SCYL3: variants seen among roughly 807,000 people sequenced by gnomAD.
SCYL3 encodes the protein protein-associating with the carboxyl-terminal domain of ezrin.
SCYL3 carries 35 observed loss-of-function variants against 73.8 expected under a neutral mutation model. That is an observed-to-expected ratio of 0.47 (90% CI 0.36 to 0.63). The LOEUF (loss-of-function observed/expected upper bound fraction) is 0.63, where lower values mean the gene tolerates loss of function less well. Among genes scored for constraint, SCYL3 ranks in the 20% least tolerant of loss-of-function variants. SCYL3 has a pLI of 0.00. For missense variants in SCYL3, 712 were observed against 798.9 expected, an observed-to-expected ratio of 0.89 and a Z score of 1.31; for synonymous variants, 277 against 295.2, an observed-to-expected ratio of 0.94 and a Z score of 0.63.
chr1:169,892,952 GAT>G (rs1424236864), intron 1 of SCYL3, among the ~76,000 whole-genome samples: 14 of 152,162 alleles, frequency 9.2e-5, no homozygotes, highest in African/African-American at 3.4e-4. Flanking sequence ...TGTACTGGCT[GAT>G]ATTCTGGTAT....
Position 169,888,874 on chromosome 1 carries a change from C to T in SCYL3, c.-34G>A. 14 of 1,534,686 alleles carry T rather than the reference C, an allele frequency of 9.1e-6. No homozygotes were observed. The highest frequency in any genetic ancestry group is 1.2e-5 in the Non-Finnish European group (14 of 1,138,024). ...CAGTGAGGCAGTACTGCCACTCTTC[C>T]TCAAAGCCAAGCAGATCTAAAAGAA... On this transcript the variant is annotated 5_prime_UTR_variant, in exon 2 of 13. Coordinates refer to ENST00000367771, the MANE Select transcript of SCYL3 (RefSeq NM_020423.7).
intron 10 of SCYL3, among the ~76,000 whole-genome samples, chr1:169,860,586 A>G (rs1366603567): frequency 6.6e-6 from 1 of 152,236 alleles, no homozygotes. Flanking sequence ...GACTCAAAAG[A>G]TAATTATTAG....
intron 2 of SCYL3, among the ~76,000 whole-genome samples, chr1:169,881,309 T>C (rs1343731146): frequency 6.6e-6 from 1 of 152,216 alleles, no homozygotes; most frequent in Non-Finnish European, 1.5e-5. Context: ...ATTAAAAAAA[T>C]TGATAATATG....
intron 1 of SCYL3, among the ~76,000 whole-genome samples, chr1:169,893,170 C>T (rs1489143702): frequency 6.6e-6 from 1 of 152,178 alleles, no homozygotes; most frequent in African/African-American, 2.4e-5. Context: ...AAATTCGAGA[C>T]CCGACTCCGA....
At chr1:169,892,254 GTTTGT>G (rs879723352) in intron 1 of SCYL3, among the ~76,000 whole-genome samples, 1 of 132,396 alleles carries the variant, frequency 7.6e-6, no homozygotes, top group Non-Finnish European at 1.8e-5. Context: ...AAGTTTTTTT[GTTTGT>G]TTTTTGTTTT....
intron 11 of SCYL3, among the ~76,000 whole-genome samples, chr1:169,858,468 G>GT (rs1243704072): frequency 1.3e-5 from 2 of 152,114 alleles, no homozygotes; most frequent in Non-Finnish European, 2.9e-5. Context: ...CCTGGAGGCT[G>GT]TTTCACAGTT....
chr1:169,869,985 T>C (rs1165731700), intron 6 of SCYL3, among the ~76,000 whole-genome samples: 1 of 152,230 alleles, frequency 6.6e-6, no homozygotes, highest in Non-Finnish European at 1.5e-5. Flanking sequence ...ACCGCTTAAG[T>C]ACTATTACCA....
chr1:169,850,980 C>CTTTTTTTTTTT lies in SCYL3; in HGVS notation c.*2722_*2732dup, dbSNP rs869158038. 11 of 31,578 alleles carry CTTTTTTTTTTT rather than the reference C, an allele frequency of 3.5e-4. 3 individuals carry two copies. In the East Asian group the frequency reaches 9.7e-3, roughly 28 times the overall value. 2.0% of individuals were successfully genotyped at this position (31,578 alleles called of 1,614,324 possible). ...TATTTTGGGTATAATTTAGGCATGG[C>CTTTTTTTTTTT]TTTTTTTTTTTTTTTTTTTTTTTTT... On this transcript the variant is annotated 3_prime_UTR_variant, in exon 13 of 13. Coordinates refer to ENST00000367771, the MANE Select transcript of SCYL3 (RefSeq NM_020423.7).
intron 2 of SCYL3, among the ~76,000 whole-genome samples, chr1:169,880,278 C>T (rs1661152666): frequency 6.6e-6 from 1 of 151,858 alleles, no homozygotes; most frequent in South Asian, 2.1e-4. Context: ...AAGTATTTAG[C>T]CAAATTTAAA....
At chr1:169,890,207 G>A (rs1661981349) in intron 1 of SCYL3, among the ~76,000 whole-genome samples, 1 of 152,220 alleles carries the variant, frequency 6.6e-6, no homozygotes, top group Non-Finnish European at 1.5e-5. Flanking sequence ...GAGGAACCAA[G>A]AGCCTGAATA....
In SCYL3 at chr1:169,868,981, G is replaced by A; in HGVS notation, c.684C>T (p.Pro228=). 6.2e-7 allele frequency: 1 copy of A among 1,614,112 alleles called. No homozygotes were observed. Among genetic ancestry groups the A allele is most frequent in the Non-Finnish European group, 8.5e-7 (1 of 1,180,002 alleles). ...AGAGCGCTGGCCGACATTTTGGAATGGGATTCAGCAAAGTTGAGTGCAAGG... is the reference window on the plus strand; with the variant it reads ...AGAGCGCTGGCCGACATTTTGGAATAGGATTCAGCAAAGTTGAGTGCAAGG... ...QQTLHSTLLN[P]IPKCRPALCT... is the part of the protein sequence containing the mutation. The change falls in exon 7 of 13, where the codon CCC becomes CCT. Residue 228 remains proline (P), a synonymous_variant. Transcript: ENST00000367771.
intron 5 of SCYL3, 141 bp from the exon 6 acceptor site, chr1:169,870,498 T>C (rs1046050344): frequency 3.2e-6 from 2 of 622,002 alleles, no homozygotes; most frequent in African/African-American, 3.8e-5. Flanking sequence ...GTATAGATTC[T>C]TAACACTATT....
At chr1:169,882,177 C>T (rs933128012) in intron 2 of SCYL3, among the ~76,000 whole-genome samples, 4 of 152,184 alleles carry the variant, frequency 2.6e-5, no homozygotes, top group Non-Finnish European at 5.9e-5. Flanking sequence ...TCTGGGTGGG[C>T]GTGGGCTTGG....
rs1658703632 is a variant in SCYL3 at position 169,853,552 on chromosome 1, G to A, written c.*161C>T. The A allele has an allele frequency of 4.2e-6, 3 of 710,686 alleles. No individual in the cohort carries two copies. The highest frequency in any genetic ancestry group is 1.9e-5 in the South Asian group (1 of 53,326). The allele number at this position is 710,686 out of a possible 1,614,324, so 44.0% of individuals were successfully genotyped here. ...CCAGGGCTTTTAGCCAGCACTCACA[G>A]TCAGTCTCCTACTTCAGTTGGCACA... is the stretch of plus-strand genomic sequence containing the variant. On this transcript the variant is annotated 3_prime_UTR_variant, in exon 13 of 13. Coordinates refer to ENST00000367771, the MANE Select transcript of SCYL3 (RefSeq NM_020423.7).
At position 169,853,398 on chromosome 1, in the gene SCYL3, T is replaced by G. The variant is rs140372793; in HGVS notation, c.*315A>C. On this transcript the variant is annotated 3_prime_UTR_variant, in exon 13 of 13. Transcript: ENST00000367771. ...CCAGCTTGAATTACATTTTCTTTAC[T>G]TCCAGAATTGTCCTGGAAAAAGCAG... The G allele has an allele frequency of 2.2e-4, 78 of 359,636 alleles. No individual in the cohort carries two copies. The highest frequency in any genetic ancestry group is 1.4e-3 in the African/African-American group (68 of 47,508). 22.3% of individuals were successfully genotyped at this position (359,636 alleles called of 1,614,324 possible). A position where few individuals can be genotyped will look rare whatever the true frequency, so the allele number is the denominator to read the frequency against.
intron 6 of SCYL3, among the ~76,000 whole-genome samples, chr1:169,869,853 T>C (rs1366429827): frequency 2.6e-5 from 4 of 152,208 alleles, no homozygotes; most frequent in African/African-American, 9.6e-5. Flanking sequence ...TAAAGAAATG[T>C]TGAGCTCAAT....
chr1:169,855,898 G>A, intron 11 of SCYL3: 2 of 1,613,912 alleles, frequency 1.2e-6, no homozygotes, highest in Non-Finnish European at 1.7e-6. Context: ...CTAGAGAAGG[G>A]GTTCTCCAAG....
intron 1 of SCYL3, among the ~76,000 whole-genome samples, 161 bp downstream of exon 1, chr1:169,893,627 C>A (rs1662244284): frequency 6.6e-6 from 1 of 151,696 alleles, no homozygotes; most frequent in Non-Finnish European, 1.5e-5. Flanking sequence ...GAGAGCACAG[C>A]TCAACCGGCC....
At chr1:169,853,918 AACAG>A (rs1182025475) in intron 12 of SCYL3, 146 bp from the exon 13 acceptor site, 1 of 867,670 alleles carries the variant, frequency 1.2e-6, no homozygotes. Context: ...TTAGAGCTCT[AACAG>A]AAAGTTGAAA....
Sources: allele counts gnomAD v4.1 joint callset (sites outside exome capture counted in the v4.1 genomes callset), GRCh38; gene constraint gnomAD v4.1.1; transcripts MANE v1.5; gene names NCBI Gene and HGNC (gene_info 2026-07-23, HGNC 2026-07-21).